Variants in PMFBP1 observed in about 807,000 individuals in gnomAD.
PMFBP1 encodes polyamine-modulated factor 1-binding protein 1.
In PMFBP1, 131 loss-of-function variants were observed where a neutral mutation model predicts 137.8. The observed-to-expected ratio is 0.95, with a 90% CI of 0.82 to 1.10. PMFBP1 has a LOEUF of 1.10. Among genes scored for constraint, PMFBP1 ranks in the 50% least tolerant of loss-of-function variants. The probability of loss-of-function intolerance (pLI) is 0.00; values close to 1 mark genes in which losing one functional copy is unlikely to be tolerated. For synonymous variants in PMFBP1, 490 were observed against 450.4 expected (o/e 1.09, Z -1.11); for missense variants, 1,199 against 1,175.4 (o/e 1.02, Z -0.29).
intron 5 of PMFBP1, among the ~76,000 whole-genome samples, chr16:72,141,616 T>C (rs926838098): frequency 6.6e-6 from 1 of 152,218 alleles, no homozygotes; most frequent in Non-Finnish European, 1.5e-5. Flanking sequence ...TCAATGCTAG[T>C]ACATGTGCTT....
intron 3 of PMFBP1, among the ~76,000 whole-genome samples, chr16:72,163,201 G>A (rs957515552): frequency 2.6e-5 from 4 of 152,180 alleles, no homozygotes; most frequent in Non-Finnish European, 4.4e-5. Context: ...TATGTTTACC[G>A]AGAACTCATG....
intron 14 of PMFBP1, 43 bp downstream of exon 14, chr16:72,128,614 A>G (rs367896360): frequency 6.2e-7 from 1 of 1,613,822 alleles, no homozygotes; most frequent in African/African-American, 1.3e-5. Flanking sequence ...CAAGGGTCAC[A>G]GGGTTCAAAT....
At chr16:72,150,080 G>A (rs1332330385) in intron 5 of PMFBP1, among the ~76,000 whole-genome samples, 1 of 152,278 alleles carries the variant, frequency 6.6e-6, no homozygotes, top group South Asian at 2.1e-4. Flanking sequence ...AACAAATCAG[G>A]TGTTTCGACT....
the PMFBP1 span, among the ~76,000 whole-genome samples, chr16:72,237,232 GA>G: frequency 1.3e-5 from 2 of 152,174 alleles, no homozygotes; most frequent in Non-Finnish European, 2.9e-5. Flanking sequence ...GAGATAGGAG[GA>G]ACGTTATTTG....
chr16:72,146,582 T>C (rs1051921012), intron 5 of PMFBP1, among the ~76,000 whole-genome samples: 1 of 152,178 alleles, frequency 6.6e-6, no homozygotes, highest in African/African-American at 2.4e-5. Flanking sequence ...GGAAGTCAAA[T>C]TGTCTCTGTT....
upstream of PMFBP1, among the ~76,000 whole-genome samples, chr16:72,178,138 C>T (rs1342058687): frequency 6.6e-6 from 1 of 152,152 alleles, no homozygotes; most frequent in African/African-American, 2.4e-5. Flanking sequence ...AGCGATCTGG[C>T]TGCTTCGGTC....
the PMFBP1 span, among the ~76,000 whole-genome samples, chr16:72,197,291 A>G: frequency 2.0e-5 from 3 of 152,242 alleles, no homozygotes; most frequent in South Asian, 6.2e-4. Context: ...TTTTATTAAC[A>G]TATTTAATGT....
intron 2 of PMFBP1, among the ~76,000 whole-genome samples, chr16:72,168,375 T>A (rs571163192): frequency 6.6e-6 from 1 of 152,344 alleles, no homozygotes; most frequent in Non-Finnish European, 1.5e-5. Flanking sequence ...AGCCAATGTT[T>A]CTGGGGTCTC....
At chr16:72,185,789 TA>T in the PMFBP1 span, among the ~76,000 whole-genome samples, 1 of 152,194 alleles carries the variant, frequency 6.6e-6, no homozygotes, top group Non-Finnish European at 1.5e-5. Flanking sequence ...TCAAATTAAC[TA>T]ATTTGCAGTA....
upstream of PMFBP1, among the ~76,000 whole-genome samples, chr16:72,179,293 T>A (rs906045645): frequency 2.0e-5 from 3 of 152,244 alleles, no homozygotes; most frequent in African/African-American, 7.2e-5. Flanking sequence ...CCCCTGGTGC[T>A]ATGGGAAACA....
rs2042890480 is a variant in PMFBP1, at chr16:72,150,772, G to A, written c.472C>T (p.His158Tyr). 1.2e-6 allele frequency: 2 copies of A among 1,614,182 alleles called. No individual in the cohort carries two copies. Among genetic ancestry groups the A allele is most frequent in the Non-Finnish European group, 1.7e-6 (2 of 1,180,022 alleles). ...AAGGCGAGTTGCTCCTGCGCCAAAT[G>A]GAGCTTCTCCCCTGTGTTCTCGTTG... ...NHNENTGEKL[H>Y]LAQEQLALAG... The change falls in exon 5 of 21, where the codon CAT becomes TAT. Residue 158 changes from histidine to tyrosine, a missense_variant. Coordinates refer to ENST00000237353, the MANE Select transcript of PMFBP1 (RefSeq NM_031293.3).
intron 4 of PMFBP1, among the ~76,000 whole-genome samples, chr16:72,151,607 T>A (rs1003059013): frequency 6.6e-6 from 1 of 152,226 alleles, no homozygotes; most frequent in South Asian, 2.1e-4. Flanking sequence ...TAATCCAATG[T>A]AGAATGCTGA....
chr16:72,201,552 G>A, the PMFBP1 span, among the ~76,000 whole-genome samples: 1 of 152,200 alleles, frequency 6.6e-6, no homozygotes, highest in Non-Finnish European at 1.5e-5. Context: ...ACTTTCCCAG[G>A]TTACAGAAGG....
chr16:72,207,426 T>G, the PMFBP1 span, among the ~76,000 whole-genome samples: 1 of 152,114 alleles, frequency 6.6e-6, no homozygotes, highest in African/African-American at 2.4e-5. Context: ...TCAGACCCAC[T>G]GAATTTTAGG....
rs886411123 is a variant in PMFBP1 at position 72,154,341 on chromosome 16, T to C, written c.284A>G (p.Gln95Arg). 4 of 1,614,066 alleles carry C rather than the reference T, an allele frequency of 2.5e-6. No homozygotes were observed. The highest frequency in any genetic ancestry group is 3.4e-6 in the Non-Finnish European group (4 of 1,180,030). ...CTCCTCTGTGTGAAACTCCAGTTCT[T>C]GTTGAAGGACCAGCAATTTTTTCTT... The part of the protein sequence containing the change: ...QLKKKLLVLQ[Q>R]ELEFHTEELQ... The change falls in exon 4 of 21, where the codon CAA becomes CGA. Residue 95 changes from glutamine (Q) to arginine (R), a missense_variant. Coordinates refer to ENST00000237353, the MANE Select transcript of PMFBP1 (RefSeq NM_031293.3).
the PMFBP1 span, among the ~76,000 whole-genome samples, chr16:72,230,339 T>G: frequency 6.6e-6 from 1 of 152,190 alleles, no homozygotes; most frequent in African/African-American, 2.4e-5. Context: ...ATAAAAATCT[T>G]ACATTTAAAG....
At position 72,128,657 on chromosome 16, in the gene PMFBP1, C is replaced by T; in HGVS notation, c.2088G>A (p.Glu696=). The change falls in exon 14 of 21, where the codon GAG becomes GAA. Residue 696 remains glutamate, a splice_region_variant and synonymous_variant. Transcript: ENST00000237353. ...SQQVIQDLNK[E]IALQKESLMS... Reference sequence around the variant, plus strand: ...TCCCTTGGGGTTCCTGTCTACTCACCTCTTTATTCAAGTCTTGGATGACTT... The same window carrying T: ...TCCCTTGGGGTTCCTGTCTACTCACTTCTTTATTCAAGTCTTGGATGACTT... The T allele has an allele frequency of 6.2e-7, 1 of 1,614,076 alleles. No homozygotes were observed. Among genetic ancestry groups the T allele is most frequent in the Non-Finnish European group, 8.5e-7 (1 of 1,180,016 alleles).
chr16:72,132,559 G>T (rs937389900), intron 10 of PMFBP1, among the ~76,000 whole-genome samples, 189 bp downstream of exon 10: 1 of 152,186 alleles, frequency 6.6e-6, no homozygotes, highest in African/African-American at 2.4e-5. Flanking sequence ...GAGCTTGGGA[G>T]TGGGTGAAGG....
the PMFBP1 span, among the ~76,000 whole-genome samples, chr16:72,200,938 T>A: frequency 6.6e-6 from 1 of 152,118 alleles, no homozygotes; most frequent in African/African-American, 2.4e-5. Context: ...GCTGGTGACA[T>A]CCATAGGGAC....
Sources: allele counts gnomAD v4.1 joint callset (sites outside exome capture counted in the v4.1 genomes callset), GRCh38; gene constraint gnomAD v4.1.1; transcripts MANE v1.5; gene names NCBI Gene and HGNC (gene_info 2026-07-23, HGNC 2026-07-21).